The following ZNF609 variants were observed in gnomAD, a reference collection of about 807,000 sequenced individuals.
The protein encoded by ZNF609 is zinc finger protein 609.
A neutral mutation model predicts 109.5 loss-of-function variants in ZNF609; 11 were observed. The observed-to-expected ratio is 0.10, with a 90% CI of 0.06 to 0.17. The LOEUF (loss-of-function observed/expected upper bound fraction) is 0.17, where lower values mean the gene tolerates loss of function less well. ZNF609 is among the 10% of genes least tolerant of loss of function. The probability of loss-of-function intolerance (pLI) is 1.00; values close to 1 mark genes in which losing one functional copy is unlikely to be tolerated. For synonymous variants in ZNF609, 646 were observed against 662.0 expected (o/e 0.98, Z 0.37); for missense variants, 1,559 against 1,772.4 (o/e 0.88, Z 2.16).
At chr15:64,631,344 A>C (rs1170810469) in intron 3 of ZNF609, 1 of 715,622 alleles carries the variant, frequency 1.4e-6, no homozygotes, top group African/African-American at 1.7e-5. Flanking sequence ...TCTTGGCAAG[A>C]ATCTTGCCCT....
At chr15:64,644,343 C>G (rs1896300736) in intron 3 of ZNF609, among the ~76,000 whole-genome samples, 1 of 151,994 alleles carries the variant, frequency 6.6e-6, no homozygotes, top group Admixed American at 6.6e-5. Context: ...TAAAAATTAG[C>G]TGGGCATGAT....
At chr15:64,504,636 GTTT>G (rs767874531) in intron 2 of ZNF609, among the ~76,000 whole-genome samples, 2 of 136,968 alleles carry the variant, frequency 1.5e-5, no homozygotes, top group Admixed American at 7.4e-5. Flanking sequence ...TGCCTGGCTA[GTTT>G]TTTTTTTTTT....
At chr15:64,490,801 G>C (rs1192161557) in intron 1 of ZNF609, among the ~76,000 whole-genome samples, 1 of 152,188 alleles carries the variant, frequency 6.6e-6, no homozygotes, top group Non-Finnish European at 1.5e-5. Flanking sequence ...ATCTGAACTT[G>C]AGCCCAGTTG....
At chr15:64,591,495 ATG>A (rs1360831772) in intron 2 of ZNF609, among the ~76,000 whole-genome samples, 1 of 152,110 alleles carries the variant, frequency 6.6e-6, no homozygotes, top group Non-Finnish European at 1.5e-5. Flanking sequence ...TCTATAAAAA[ATG>A]TTTTAAAAAA....
intron 2 of ZNF609, among the ~76,000 whole-genome samples, chr15:64,508,539 T>C (rs1893667947): frequency 6.6e-6 from 1 of 152,136 alleles, no homozygotes; most frequent in Admixed American, 6.6e-5. Flanking sequence ...AGGTGATAGC[T>C]AAGGTGAGAG....
In ZNF609 at chr15:64,576,982, G is replaced by GTATATATACACATAAATATATA. The variant is rs1257610288; in HGVS notation, c.748-45842_748-45841insATATACACATAAATATATATAT. 7.4e-3 allele frequency among the ~76,000 whole-genome samples: 894 copies of GTATATATACACATAAATATATA among 121,528 alleles called. 33 individuals carry two copies. The highest frequency in any genetic ancestry group is 0.019 in the African/African-American group (580 of 31,302). 79.7% of individuals were successfully genotyped at this position (121,528 alleles called of 152,430 possible). A position where few individuals can be genotyped will look rare whatever the true frequency, so the allele number is the denominator to read the frequency against. ...TATATATACACATAAATATATATAT[G>GTATATATACACATAAATATATA]TATGTATACACATAAATATATATAT... On this transcript the variant is annotated intron_variant, in intron 2 of 9. Coordinates refer to ENST00000326648, the MANE Select transcript of ZNF609 (RefSeq NM_015042.2).
At chr15:64,670,304 TG>T in intron 3 of ZNF609, 41 bp from the exon 4 acceptor site, 1 of 1,517,404 alleles carries the variant, frequency 6.6e-7, no homozygotes, top group Non-Finnish European at 9.2e-7. Context: ...CAGTGGCAAA[TG>T]GGGTGTGTCT....
At chr15:64,470,220 A>G (rs1459294743) in intron 1 of ZNF609, 2 of 150,076 alleles carry the variant, frequency 1.3e-5, no homozygotes, top group Non-Finnish European at 3.0e-5. Context: ...AATTTTTGTA[A>G]TTTTTTTTGT....
In ZNF609 at chr15:64,586,007, G is replaced by T. The variant is rs952552967; in HGVS notation, c.748-36820G>T. Among the ~76,000 whole-genome samples the T allele has an allele frequency of 2.0e-5, 3 of 152,054 alleles. No homozygotes were observed. The East Asian group carries it at 5.8e-4, about 29-fold the overall frequency. On this transcript the variant is annotated intron_variant, in intron 2 of 9. Transcript: ENST00000326648. ...ACCACAGACATGTGACACCATACCTGGCTAATTGTTATTTTTGTAGAAATG... is the reference window on the plus strand; with the variant it reads ...ACCACAGACATGTGACACCATACCTTGCTAATTGTTATTTTTGTAGAAATG...
At chr15:64,475,822 C>G (rs1009696442) in intron 1 of ZNF609, among the ~76,000 whole-genome samples, 1 of 152,140 alleles carries the variant, frequency 6.6e-6, no homozygotes, top group African/African-American at 2.4e-5. Context: ...TAACTTTATG[C>G]TTAATTAATG....
chr15:64,462,445 A>T (rs1742898776), intron 1 of ZNF609, among the ~76,000 whole-genome samples: 1 of 152,152 alleles, frequency 6.6e-6, no homozygotes, highest in Admixed American at 6.5e-5. Context: ...TTTGTTTCCG[A>T]ATACCACTAA....
intron 1 of ZNF609, among the ~76,000 whole-genome samples, chr15:64,484,765 T>G (rs1242754582): frequency 7.3e-6 from 1 of 137,846 alleles, no homozygotes; most frequent in Non-Finnish European, 1.6e-5. Context: ...CATGAGGTCA[T>G]GAGATCGAGA....
chr15:64,669,305 A>G (rs1896693008), intron 3 of ZNF609, among the ~76,000 whole-genome samples: 2 of 152,228 alleles, frequency 1.3e-5, no homozygotes, highest in Admixed American at 6.5e-5. Flanking sequence ...CAGAAGATTG[A>G]AACAACCTAA....
At chr15:64,616,812 C>CTTTTTGT (rs1895805857) in intron 2 of ZNF609, among the ~76,000 whole-genome samples, 1 of 32,832 alleles carries the variant, frequency 3.0e-5, no homozygotes, top group African/African-American at 1.4e-4. Flanking sequence ...AGCCACCATG[C>CTTTTTGT]TTTTTTTTTT....
At chr15:64,676,304 T>C (rs1443084089) in intron 5 of ZNF609, 48 bp downstream of exon 5, 1 of 1,523,270 alleles carries the variant, frequency 6.6e-7, no homozygotes, top group Non-Finnish European at 8.8e-7. Flanking sequence ...GGTAATCGTC[T>C]ATCTTCCTCA....
chr15:64,499,313 C>A lies in ZNF609; in HGVS notation c.-107C>A. ...TCCAGCAATGATGTTGTCCACTGGGCATGTACTGACCAATGTGGCAGGTCT... is the reference window on the plus strand; with the variant it reads ...TCCAGCAATGATGTTGTCCACTGGGAATGTACTGACCAATGTGGCAGGTCT... On this transcript the variant is annotated 5_prime_UTR_variant, in exon 2 of 10. Coordinates refer to ENST00000326648, the MANE Select transcript of ZNF609 (RefSeq NM_015042.2). 1.4e-6 allele frequency: 2 copies of A among 1,423,300 alleles called. No homozygotes were observed. Among genetic ancestry groups the A allele is most frequent in the South Asian group, 1.4e-5 (1 of 73,176 alleles). 88.2% of individuals were successfully genotyped at this position (1,423,300 alleles called of 1,614,324 possible). A position where few individuals can be genotyped will look rare whatever the true frequency, so the allele number is the denominator to read the frequency against.
chr15:64,499,450 A>G lies in ZNF609; in HGVS notation c.31A>G (p.Lys11Glu). Residue 11 changes from lysine to glutamate, a missense_variant, in exon 2 of 10, where the codon AAA becomes GAA. Physicochemically the swap from Lys to Glu is moderately conservative, Grantham distance 56. Transcript: ENST00000326648. ...CTTGAGCAGTGGAGCCTCCGGAGGG[A>G]AAGGAGTGGATGCAAACCCGGTTGA... MSLSSGASGG[K>E]GVDANPVETY... The G allele has an allele frequency of 1.9e-6, 3 of 1,613,972 alleles. No individual in the cohort carries two copies. The highest frequency in any genetic ancestry group is 2.5e-6 in the Non-Finnish European group (3 of 1,179,964).
At chr15:64,593,046 G>A (rs117686856) in intron 2 of ZNF609, 1 of 1,590,280 alleles carries the variant, frequency 6.3e-7, no homozygotes, top group African/African-American at 1.3e-5. Context: ...CCTATTCGCT[G>A]CACTAACTGT....
intron 2 of ZNF609, among the ~76,000 whole-genome samples, chr15:64,530,729 C>A (rs1292188061): frequency 2.6e-5 from 4 of 152,128 alleles, no homozygotes; most frequent in African/African-American, 9.7e-5. Flanking sequence ...TGAGTAACTG[C>A]CAAGAGGTCT....
Sources: gnomAD v4.1 joint callset for allele counts (sites outside exome capture counted in the v4.1 genomes callset) on GRCh38, gnomAD v4.1.1 for gene constraint, MANE v1.5 for transcripts, NCBI Gene and HGNC (gene_info 2026-07-23, HGNC 2026-07-21) for gene names.